DCPS: variants seen among roughly 807,000 people sequenced by gnomAD.
DCPS encodes m7GpppX diphosphatase.
In DCPS, 27 loss-of-function variants were observed where a neutral mutation model predicts 34.7. That is an observed-to-expected ratio of 0.78 (90% CI 0.57 to 1.07). The LOEUF is 1.07. Ranked by LOEUF, DCPS falls within the 50% of genes least tolerant of loss-of-function variation. The probability of loss-of-function intolerance (pLI) is 0.00; values close to 1 mark genes in which losing one functional copy is unlikely to be tolerated. For synonymous variants in DCPS, 185 were observed against 185.7 expected (o/e 1.00, Z 0.03); for missense variants, 464 against 436.9 (o/e 1.06, Z -0.55).
At chr11:126,305,596 T>C (rs911541943) in intron 1 of DCPS, among the ~76,000 whole-genome samples, 2 of 150,658 alleles carry the variant, frequency 1.3e-5, no homozygotes, top group African/African-American at 4.9e-5. Context: ...AATTTTCGTA[T>C]TTTTAGTAGA....
chr11:126,313,604 A>G lies in DCPS; in HGVS notation c.376+6860A>G, dbSNP rs1951634835. Among the ~76,000 whole-genome samples, 1 of 152,146 alleles carries G rather than the reference A, an allele frequency of 6.6e-6. No homozygotes were observed. Among genetic ancestry groups the G allele is most frequent in the African/African-American group, 2.4e-5 (1 of 41,436 alleles). On this transcript the variant is annotated intron_variant, in intron 2 of 5. Transcript: ENST00000263579. The surrounding 1 kb of genome is among the most constrained non-coding windows in gnomAD (Gnocchi z 4.9). ...CACATGGTGCGATTAAAATGGTACA[A>G]AGTTGAAAAACAAGCAGAACTGAAC...
Position 126,346,577 on chromosome 11 carries a change from G to C in DCPS, c.*964G>C, listed in dbSNP as rs1307276472. Among the ~76,000 whole-genome samples the C allele has an allele frequency of 6.6e-6, 1 of 152,238 alleles. No homozygotes were observed. The highest frequency in any genetic ancestry group is 1.9e-4 in the East Asian group (1 of 5,200). ...CAAGTAAACACACAGGCTCTCTCCA[G>C]CACACAGGACCAAGGCATCATGCTG... On this transcript the variant is annotated 3_prime_UTR_variant, in exon 6 of 6. Transcript: ENST00000263579. The surrounding 1 kb of genome is among the most constrained non-coding windows in gnomAD (Gnocchi z 4.1).
At chr11:126,308,364 CCA>C (rs1206874550) in intron 2 of DCPS, among the ~76,000 whole-genome samples, 2 of 152,140 alleles carry the variant, frequency 1.3e-5, no homozygotes, top group African/African-American at 4.8e-5. Flanking sequence ...ATATCTTGCC[CCA>C]CAGTCTTTTG....
At position 126,320,004 on chromosome 11, in the gene DCPS, ATTT is replaced by A. The variant is rs11371505; in HGVS notation, c.377-11389_377-11387del. On this transcript the variant is annotated intron_variant, in intron 2 of 5. Coordinates refer to ENST00000263579, the MANE Select transcript of DCPS (RefSeq NM_014026.6). The surrounding 1 kb of genome is among the most constrained non-coding windows in gnomAD (Gnocchi z 4.7). ...AACATCTCAGAGTATGTCCTTTCAG[ATTT>A]TTTTTTTTTTTGAGATGGAATCTTG... 6.9e-6 allele frequency among the ~76,000 whole-genome samples: 1 copy of A among 144,582 alleles called. No homozygotes were observed. 94.9% of individuals were successfully genotyped at this position (144,582 alleles called of 152,430 possible).
rs1376972118 is a variant in DCPS, at chr11:126,327,156, G to A, written c.377-4249G>A. Among the ~76,000 whole-genome samples, 1 of 152,080 alleles carries A rather than the reference G, an allele frequency of 6.6e-6. No individual in the cohort carries two copies. The highest frequency in any genetic ancestry group is 2.4e-5 in the African/African-American group (1 of 41,412). ...GCGCCCCTCCCCGGATCCCAACCCCGGATCTAATCCAATCCCTTTAGTCCC... is the reference window on the plus strand; with the variant it reads ...GCGCCCCTCCCCGGATCCCAACCCCAGATCTAATCCAATCCCTTTAGTCCC... On this transcript the variant is annotated intron_variant, in intron 2 of 5. Coordinates refer to ENST00000263579, the MANE Select transcript of DCPS (RefSeq NM_014026.6). The surrounding 1 kb of genome is among the most constrained non-coding windows in gnomAD (Gnocchi z 4.1).
In DCPS at chr11:126,329,749, T is replaced by C. The variant is rs774970372; in HGVS notation, c.377-1656T>C. Among the ~76,000 whole-genome samples, 8 of 152,206 alleles carry C rather than the reference T, an allele frequency of 5.3e-5. No homozygotes were observed. The highest frequency in any genetic ancestry group is 1.0e-4 in the Non-Finnish European group (7 of 68,038). On this transcript the variant is annotated intron_variant, in intron 2 of 5. Coordinates refer to ENST00000263579, the MANE Select transcript of DCPS (RefSeq NM_014026.6). The surrounding 1 kb of genome is among the most constrained non-coding windows in gnomAD (Gnocchi z 5.0). ...CCAGCCCACCCTCTTCACTGACGTA[T>C]GAAAGCGGGGTTAAAACCACCTATG... is the stretch of plus-strand genomic sequence containing the variant.
At chr11:126,330,688 CATATATATATATATATAT>C (rs766232318) in intron 2 of DCPS, among the ~76,000 whole-genome samples, 21 of 31,600 alleles carry the variant, frequency 6.6e-4, no homozygotes, top group African/African-American at 2.3e-3. Context: ...GGCTTTAAAC[CATATATATATATATATAT>C]ATATATATAT....
Position 126,322,075 on chromosome 11 carries a change from T to C in DCPS, c.377-9330T>C, listed in dbSNP as rs1951710800. 6.6e-6 allele frequency among the ~76,000 whole-genome samples: 1 copy of C among 152,044 alleles called. No individual in the cohort carries two copies. ...AAATAATTCAAGACAGTTTCCCAGG[T>C]CTGAAGAACATGATTTTTAAGATTG... On this transcript the variant is annotated intron_variant, in intron 2 of 5. Transcript: ENST00000263579. The surrounding 1 kb of genome is among the most constrained non-coding windows in gnomAD (Gnocchi z 4.2).
rs553158872 is a variant in DCPS, at chr11:126,309,132, T to C, written c.376+2388T>C. On this transcript the variant is annotated intron_variant, in intron 2 of 5. Transcript: ENST00000263579. ...CTCCGCCTCCCAGGTTCAAGTGGTT[T>C]TCCTGCCTCAGCCTCCCGAGTAGCT... is the stretch of plus-strand genomic sequence containing the variant. Among the ~76,000 whole-genome samples the C allele has an allele frequency of 2.6e-5, 4 of 151,952 alleles. No homozygotes were observed. In the South Asian group the frequency reaches 8.3e-4, roughly 32 times the overall value.
Position 126,345,465 on chromosome 11 carries a change from GC to G in DCPS, c.867del (p.Ser290GlnfsTer12). The G allele has an allele frequency of 1.2e-6, 2 of 1,614,142 alleles. No individual in the cohort carries two copies. Among genetic ancestry groups the G allele is most frequent in the Non-Finnish European group, 1.7e-6 (2 of 1,180,026 alleles). ...HFTALGFEAP[G>X]SGVERAHLLA... ...ACCGCCCTGGGCTTCGAGGCCCCCG[GC>G]TCAGGCGTGGAGCGGGCCCACCTGC... is the stretch of plus-strand genomic sequence containing the variant. On this transcript the variant is annotated frameshift_variant, in exon 6 of 6. Coordinates refer to ENST00000263579, the MANE Select transcript of DCPS (RefSeq NM_014026.6). LOFTEE classifies it high-confidence loss of function. This position sits in a 1 kb window ranked among gnomAD's most constrained non-coding sequence, Gnocchi z 7.4.
intron 2 of DCPS, among the ~76,000 whole-genome samples, chr11:126,321,429 T>C (rs1239552246): frequency 1.3e-5 from 2 of 152,122 alleles, no homozygotes; most frequent in African/African-American, 4.8e-5. Flanking sequence ...TGCTGCCCTT[T>C]CTCATCCCCA....
chr11:126,306,833 G>A lies in DCPS; in HGVS notation c.376+89G>A, dbSNP rs558402847. On this transcript the variant is annotated intron_variant, in intron 2 of 5. Transcript: ENST00000263579. The stretch of plus-strand genomic sequence containing the variant: ...TATGGTGACCAGACTCTCTATACCC[G>A]ATTTGCATATTCTAGTACAATAGGG... 1.7e-4 allele frequency: 240 copies of A among 1,422,400 alleles called. 2 individuals carry two copies. In the South Asian group the frequency reaches 3.1e-3, roughly 18 times the overall value. 88.1% of individuals were successfully genotyped at this position (1,422,400 alleles called of 1,614,324 possible). A position where few individuals can be genotyped will look rare whatever the true frequency, so the allele number is the denominator to read the frequency against.
In DCPS at chr11:126,333,865, TTCTCTC is replaced by T. The variant is rs112209917; in HGVS notation, c.522+2337_522+2342del. Among the ~76,000 whole-genome samples, 147 of 149,300 alleles carry T rather than the reference TTCTCTC, an allele frequency of 9.8e-4. 1 individual carries two copies. The highest frequency in any genetic ancestry group is 3.3e-3 in the African/African-American group (134 of 40,592). ...ACGCTTCAGGGAGTGGAGCTGGGAA[TTCTCTC>T]TCTCTCTCTCTCTCTCTCTCTGATA... On this transcript the variant is annotated intron_variant, in intron 3 of 5. Coordinates refer to ENST00000263579, the MANE Select transcript of DCPS (RefSeq NM_014026.6). This position sits in a 1 kb window ranked among gnomAD's most constrained non-coding sequence, Gnocchi z 5.7.
In DCPS at chr11:126,320,050, G is replaced by GAGTGT; in HGVS notation, c.377-11350_377-11346dup. ...GAATCTTGCTCTGTCACCCAGGCTG[G>GAGTGT]AGTGTAGTGAGGCGGTCTTGACTCT... is the stretch of plus-strand genomic sequence containing the variant. On this transcript the variant is annotated intron_variant, in intron 2 of 5. Coordinates refer to ENST00000263579, the MANE Select transcript of DCPS (RefSeq NM_014026.6). The surrounding 1 kb of genome is among the most constrained non-coding windows in gnomAD (Gnocchi z 4.7). 6.6e-6 allele frequency among the ~76,000 whole-genome samples: 1 copy of GAGTGT among 150,852 alleles called. No individual in the cohort carries two copies. The highest frequency in any genetic ancestry group is 2.0e-4 in the East Asian group (1 of 5,114).
Position 126,348,525 on chromosome 11 carries a change from C to G in DCPS, c.*2912C>G, listed in dbSNP as rs76269182. On this transcript the variant is annotated 3_prime_UTR_variant, in exon 6 of 6. Coordinates refer to ENST00000263579, the MANE Select transcript of DCPS (RefSeq NM_014026.6). The surrounding 1 kb of genome is among the most constrained non-coding windows in gnomAD (Gnocchi z 5.3). ...TGCAGCTCCCTCCCTCAATCCAACCCTCTTTGGGCTTATCACCCTCAAGGT... is the reference window on the plus strand; with the variant it reads ...TGCAGCTCCCTCCCTCAATCCAACCGTCTTTGGGCTTATCACCCTCAAGGT... Among the ~76,000 whole-genome samples, 589 of 152,378 alleles carry G rather than the reference C, an allele frequency of 3.9e-3. 2 individuals carry two copies. The highest frequency in any genetic ancestry group is 0.013 in the African/African-American group (550 of 41,596).
At chr11:126,343,009 G>T (rs1951887650) in intron 4 of DCPS, among the ~76,000 whole-genome samples, 2 of 147,816 alleles carry the variant, frequency 1.4e-5, no homozygotes, top group Admixed American at 1.4e-4. Flanking sequence ...GGCGGAGGTT[G>T]CAGTGAGCCA....
rs1345311528 is a variant in DCPS at position 126,332,325 on chromosome 11, G to T, written c.522+775G>T. On this transcript the variant is annotated intron_variant, in intron 3 of 5. Coordinates refer to ENST00000263579, the MANE Select transcript of DCPS (RefSeq NM_014026.6). The surrounding 1 kb of genome is among the most constrained non-coding windows in gnomAD (Gnocchi z 5.4). ...ACTCCTCCCTGGGCCTAGGCCCAGC[G>T]CCAACTGGAGCCTCTGCCTGGAACT... Among the ~76,000 whole-genome samples the T allele has an allele frequency of 5.3e-5, 8 of 152,152 alleles. No individual in the cohort carries two copies. Among genetic ancestry groups the T allele is most frequent in the African/African-American group, 1.9e-4 (8 of 41,432 alleles).
At position 126,333,865 on chromosome 11, in the gene DCPS, TTCTCTCTC is replaced by T. The variant is rs112209917; in HGVS notation, c.522+2335_522+2342del. Reference sequence around the variant, plus strand: ...ACGCTTCAGGGAGTGGAGCTGGGAATTCTCTCTCTCTCTCTCTCTCTCTCTCTGATATT... The same window carrying T: ...ACGCTTCAGGGAGTGGAGCTGGGAATTCTCTCTCTCTCTCTCTCTGATATT... On this transcript the variant is annotated intron_variant, in intron 3 of 5. Transcript: ENST00000263579. The surrounding 1 kb of genome is among the most constrained non-coding windows in gnomAD (Gnocchi z 5.7). Among the ~76,000 whole-genome samples the T allele has an allele frequency of 6.0e-5, 9 of 149,210 alleles. No individual in the cohort carries two copies. The highest frequency in any genetic ancestry group is 1.2e-4 in the Non-Finnish European group (8 of 67,224).
rs945531452 is a variant in DCPS, at chr11:126,327,789, A to G, written c.377-3616A>G. On this transcript the variant is annotated intron_variant, in intron 2 of 5. Transcript: ENST00000263579. This position sits in a 1 kb window ranked among gnomAD's most constrained non-coding sequence, Gnocchi z 4.1. Reference sequence around the variant, plus strand: ...GATTCATTGATTCATTTGTTCACTAAGTATTTACTGAGTGCTTACTGTATG... The same window carrying G: ...GATTCATTGATTCATTTGTTCACTAGGTATTTACTGAGTGCTTACTGTATG... Among the ~76,000 whole-genome samples the G allele has an allele frequency of 6.6e-6, 1 of 152,228 alleles. No individual in the cohort carries two copies. Among genetic ancestry groups the G allele is most frequent in the East Asian group, 1.9e-4 (1 of 5,206 alleles).
Sources: allele counts gnomAD v4.1 joint callset (sites outside exome capture counted in the v4.1 genomes callset), GRCh38; gene constraint gnomAD v4.1.1; non-coding constraint Gnocchi (gnomAD v3.1); transcripts MANE v1.5; gene names NCBI Gene and HGNC (gene_info 2026-07-23, HGNC 2026-07-21).